The following DST variants were observed in gnomAD, a reference collection of about 807,000 sequenced individuals.
The protein encoded by DST is bullous pemphigoid antigen.
Under a neutral mutation model 875.2 loss-of-function variants are expected in DST, and 253 were observed. That is an observed-to-expected ratio of 0.29 (90% CI 0.26 to 0.32). The LOEUF (loss-of-function observed/expected upper bound fraction) is 0.32, where lower values mean the gene tolerates loss of function less well. Among genes scored for constraint, DST ranks in the 10% least tolerant of loss-of-function variants. DST has a pLI of 1.00. For synonymous variants in DST, 3,124 were observed against 3,197.1 expected (o/e 0.98, Z 0.77); for missense variants, 8,287 against 9,111.6 (o/e 0.91, Z 3.68).
At chr6:56,669,423 C>G (rs567503943) in intron 10 of DST, among the ~76,000 whole-genome samples, 1 of 151,550 alleles carries the variant, frequency 6.6e-6, no homozygotes, top group South Asian at 2.1e-4. Flanking sequence ...TGGTGAAACC[C>G]CATCTCTACT....
intron 2 of DST, among the ~76,000 whole-genome samples, chr6:56,920,231 C>T (rs1050235142): frequency 1.3e-5 from 2 of 152,184 alleles, no homozygotes; most frequent in African/African-American, 4.8e-5. Context: ...CAGCCTTCCC[C>T]TCCAATATTA....
chr6:56,706,572 A>G (rs1037205446), intron 5 of DST, among the ~76,000 whole-genome samples: 3 of 152,148 alleles, frequency 2.0e-5, no homozygotes, highest in African/African-American at 7.2e-5. Flanking sequence ...CTACTCATGG[A>G]CTGGTTTCAT....
In DST at chr6:56,476,200, T is replaced by G. The variant is rs2095181987; in HGVS notation, c.21813A>C (p.Glu7271Asp). Reference protein sequence around the residue: ...AETTLTDKDKEVIPQEIEEVK... With the variant: ...AETTLTDKDKDVIPQEIEEVK... The stretch of plus-strand genomic sequence containing the variant: ...CCTCTTCGATCTCCTGGGGGATGAC[T>G]TCTTTATCCTTATCAGTAAGTGTAG... The change falls in exon 92 of 104, where the codon GAA (glutamate) becomes GAC (aspartate). Residue 7271 changes from glutamate to aspartate, a missense_variant. Around this residue, in one of 10 missense-constraint regions of DST, gnomAD observed 1,292 missense variants for 1,552.7 expected, o/e 0.83. Transcript: ENST00000680361. The G allele has an allele frequency of 1.2e-6, 2 of 1,613,042 alleles. No homozygotes were observed. The highest frequency in any genetic ancestry group is 4.5e-5 in the East Asian group (2 of 44,870).
intron 2 of DST, among the ~76,000 whole-genome samples, chr6:56,952,919 T>C (rs1301735755): frequency 6.6e-6 from 1 of 152,214 alleles, no homozygotes; most frequent in Non-Finnish European, 1.5e-5. Context: ...ACAGTTAAAG[T>C]TTTTAAGCAA....
At chr6:56,658,376 C>A (rs2099021301) in intron 10 of DST, among the ~76,000 whole-genome samples, 1 of 152,100 alleles carries the variant, frequency 6.6e-6, no homozygotes, top group Non-Finnish European at 1.5e-5. Flanking sequence ...GTTCTTTCTG[C>A]AGAAAATGAG....
In DST at chr6:56,498,049, A is replaced by T. The variant is rs2095980321; in HGVS notation, c.19901T>A (p.Leu6634His). 1 of 1,610,980 alleles carries T rather than the reference A, an allele frequency of 6.2e-7. No individual in the cohort carries two copies. Among genetic ancestry groups the T allele is most frequent in the East Asian group, 2.2e-5 (1 of 44,854 alleles). The change falls in exon 81 of 104, where the codon CTC becomes CAC. Residue 6634 changes from leucine (L) to histidine (H), a missense_variant. This residue lies in a region of DST where 1,292 missense variants were observed against 1,552.7 expected (regional missense o/e 0.83). Transcript: ENST00000680361. ...IEIELAKHHV[L>H]QNDVLAHQST... is the part of the protein sequence containing the mutation. Reference sequence around the variant, plus strand: ...CTGATGGGCTAATACATCATTTTGGAGCACCTGAAAATATAAAGATAACAC... The same window carrying T: ...CTGATGGGCTAATACATCATTTTGGTGCACCTGAAAATATAAAGATAACAC...
intron 13 of DST, among the ~76,000 whole-genome samples, chr6:56,648,036 G>C (rs994197763): frequency 1.3e-5 from 2 of 152,060 alleles, no homozygotes; most frequent in African/African-American, 2.4e-5. Context: ...CTTGCCCTAA[G>C]TTTTTCAGTA....
At chr6:56,831,656 T>C (rs2099787204) in intron 4 of DST, among the ~76,000 whole-genome samples, 1 of 152,132 alleles carries the variant, frequency 6.6e-6, no homozygotes, top group African/African-American at 2.4e-5. Context: ...CTTCCTTCTG[T>C]AGGCCCTGAT....
At chr6:56,582,205 T>TAG (rs1223161231) in intron 49 of DST, among the ~76,000 whole-genome samples, 1 of 152,174 alleles carries the variant, frequency 6.6e-6, no homozygotes, top group Non-Finnish European at 1.5e-5. Flanking sequence ...ACCCCTGATA[T>TAG]AGTTTGGATA....
At chr6:56,474,915 TGCC>T (rs2095093797) in intron 92 of DST, among the ~76,000 whole-genome samples, 1 of 127,998 alleles carries the variant, frequency 7.8e-6, no homozygotes. Flanking sequence ...GCCACGACTG[TGCC>T]ATTGCATTCC....
chr6:56,650,325 CAAAAAA>C (rs70989721), intron 12 of DST, among the ~76,000 whole-genome samples: 8 of 48,690 alleles, frequency 1.6e-4, no homozygotes, highest in Admixed American at 7.0e-4. Context: ...CATAACCACC[CAAAAAA>C]AAAAAAAAAA....
At chr6:56,527,396 T>C (rs2096822494) in intron 68 of DST, 97 bp downstream of exon 68, 1 of 1,435,740 alleles carries the variant, frequency 7.0e-7, no homozygotes. Context: ...TCCTTCAGCA[T>C]ATGTAATGAC....
chr6:56,562,992 T>C (rs1372424013), intron 55 of DST, among the ~76,000 whole-genome samples: 2 of 152,210 alleles, frequency 1.3e-5, no homozygotes, highest in African/African-American at 4.8e-5. Context: ...CTATCATTGA[T>C]GGGCATTTGG....
chr6:56,459,754 A>G (rs1481089089), intron 103 of DST, among the ~76,000 whole-genome samples: 1 of 152,180 alleles, frequency 6.6e-6, no homozygotes, highest in Non-Finnish European at 1.5e-5. Flanking sequence ...TAGTAGGTTC[A>G]TTATTTTGCG....
intron 37 of DST, among the ~76,000 whole-genome samples, 160 bp from the exon 38 acceptor site, chr6:56,611,756 A>G (rs985008899): frequency 6.6e-6 from 1 of 152,216 alleles, no homozygotes; most frequent in African/African-American, 2.4e-5. Flanking sequence ...CTATAGAGCT[A>G]GATAAGAGTA....
chr6:56,938,108 C>CTCTCTCTCTCTCTCTCTCTCTCTATA (rs1383243392), intron 2 of DST, among the ~76,000 whole-genome samples: 4 of 120,752 alleles, frequency 3.3e-5, no homozygotes, highest in African/African-American at 1.4e-4. Context: ...CTCTCTCTCT[C>CTCTCTCTCTCTCTCTCTCTCTCTATA]TATATATATA....
chr6:56,644,407 T>C (rs1034683648), intron 15 of DST, among the ~76,000 whole-genome samples: 10 of 152,282 alleles, frequency 6.6e-5, no homozygotes, highest in Non-Finnish European at 1.3e-4. Context: ...TTTCACAACG[T>C]TGAATCCTGA....
chr6:56,635,068 TA>T, intron 24 of DST, 115 bp from the exon 25 acceptor site: 1 of 800,228 alleles, frequency 1.2e-6, no homozygotes, highest in South Asian at 1.7e-5. Flanking sequence ...CTACCTAGTC[TA>T]AATTTTCAAT....
At position 56,532,328 on chromosome 6, in the gene DST, G is replaced by C. The variant is rs2096910229; in HGVS notation, c.17108+16C>G. The stretch of plus-strand genomic sequence containing the variant: ...CACTGCTACTCTTTCAAAAGAACTG[G>C]AAGTATATAAGTTACCTTGTTTCAG... On this transcript the variant is annotated intron_variant, in intron 64 of 103. Transcript: ENST00000680361. The C allele has an allele frequency of 6.2e-6, 10 of 1,611,524 alleles. 1 individual carries two copies. Among genetic ancestry groups the C allele is most frequent in the South Asian group, 4.4e-5 (4 of 90,826 alleles).
Sources: gnomAD v4.1 joint callset for allele counts (sites outside exome capture counted in the v4.1 genomes callset) on GRCh38, gnomAD v4.1.1 for gene constraint, gnomAD v4.1.1 regional missense constraint, MANE v1.5 for transcripts, NCBI Gene and HGNC (gene_info 2026-07-23, HGNC 2026-07-21) for gene names.